Variants in SHANK2 observed in about 807,000 individuals in gnomAD.
SHANK2 encodes the protein SH3 and multiple ankyrin repeat domains protein 2.
In SHANK2, 43 loss-of-function variants were observed where a neutral mutation model predicts 133.7. That is an observed-to-expected ratio of 0.32 (90% CI 0.25 to 0.41). The LOEUF (loss-of-function observed/expected upper bound fraction) is 0.41, where lower values mean the gene tolerates loss of function less well. Among genes scored for constraint, SHANK2 ranks in the 10% least tolerant of loss-of-function variants. The pLI, the probability that SHANK2 is intolerant of heterozygous loss-of-function variation, is 1.00. For missense variants in SHANK2, 1,994 were observed against 2,235.8 expected (o/e 0.89, Z 2.18); for synonymous variants, 1,017 against 952.8 (o/e 1.07, Z -1.24).
At chr11:70,733,007 G>A (rs982111366) in intron 14 of SHANK2, among the ~76,000 whole-genome samples, 2 of 152,254 alleles carry the variant, frequency 1.3e-5, no homozygotes, top group East Asian at 1.9e-4. Context: ...AGATGCTGCC[G>A]ATGGAGTGAT....
intron 14 of SHANK2, among the ~76,000 whole-genome samples, chr11:70,785,235 G>T (rs183182637): frequency 2.0e-5 from 3 of 152,100 alleles, no homozygotes; most frequent in Non-Finnish European, 4.4e-5. Context: ...GGGCGCCTGG[G>T]CCCCCTCCTA....
Position 70,633,502 on chromosome 11 carries a change from T to G in SHANK2, c.2061+26326A>C, listed in dbSNP as rs569368669. On this transcript the variant is annotated intron_variant, in intron 17 of 25. Transcript: ENST00000601538. Reference sequence around the variant, plus strand: ...GACTTGACAATGAAAAAGAAAGAATTAAGCATTTATCTTGCCTTCTTGTAC... The same window carrying G: ...GACTTGACAATGAAAAAGAAAGAATGAAGCATTTATCTTGCCTTCTTGTAC... 2.0e-5 allele frequency: 3 copies of G among 152,274 alleles called. No homozygotes were observed. In the East Asian group the frequency reaches 5.8e-4, roughly 29 times the overall value. 9.4% of individuals were successfully genotyped at this position (152,274 alleles called of 1,614,324 possible). A position where few individuals can be genotyped will look rare whatever the true frequency, so the allele number is the denominator to read the frequency against.
At chr11:70,917,885 C>G (rs193280523) in intron 10 of SHANK2, among the ~76,000 whole-genome samples, 2 of 151,966 alleles carry the variant, frequency 1.3e-5, no homozygotes, top group Non-Finnish European at 2.9e-5. Flanking sequence ...GGGAGAGGAT[C>G]GAGAAGAACA....
intron 3 of SHANK2, among the ~76,000 whole-genome samples, chr11:71,132,561 G>A (rs557432630): frequency 5.9e-5 from 9 of 152,288 alleles, no homozygotes; most frequent in Non-Finnish European, 7.3e-5. Context: ...AAGTCAAGAC[G>A]TTTTATGTGC....
intron 14 of SHANK2, among the ~76,000 whole-genome samples, chr11:70,716,981 G>A (rs949933202): frequency 2.6e-5 from 4 of 151,544 alleles, no homozygotes; most frequent in African/African-American, 9.7e-5. Flanking sequence ...CAGTTGGTGA[G>A]AAGCTACTGG....
Position 71,063,826 on chromosome 11 carries a change from T to C in SHANK2, c.1030-7268A>G, listed in dbSNP as rs957476470. Among the ~76,000 whole-genome samples, 461 of 152,292 alleles carry C rather than the reference T, an allele frequency of 3.0e-3. 2 individuals are homozygous for C. The highest frequency in any genetic ancestry group is 3.6e-3 in the Non-Finnish European group (246 of 68,010). ...CTGCCACTTTTTCTCTTGGCATGAATTTTCCGAGACACTTCCCTTAATAAA... is the reference window on the plus strand; with the variant it reads ...CTGCCACTTTTTCTCTTGGCATGAACTTTCCGAGACACTTCCCTTAATAAA... On this transcript the variant is annotated intron_variant, in intron 9 of 25. Transcript: ENST00000601538.
At chr11:71,164,274 C>T (rs1375981328) in intron 2 of SHANK2, among the ~76,000 whole-genome samples, 1 of 152,210 alleles carries the variant, frequency 6.6e-6, no homozygotes, top group South Asian at 2.1e-4. Context: ...GGGGGATTAA[C>T]TGGCCTTTGA....
At chr11:70,589,021 G>A (rs11828693) in intron 17 of SHANK2, among the ~76,000 whole-genome samples, 3,881 of 152,292 alleles carry the variant, frequency 0.025, 178 homozygotes, top group African/African-American at 0.09. Flanking sequence ...GTTTCACTGT[G>A]TTAGCCAGGA....
At chr11:71,187,826 C>A (rs1215311894) in intron 2 of SHANK2, among the ~76,000 whole-genome samples, 2 of 152,200 alleles carry the variant, frequency 1.3e-5, no homozygotes, top group East Asian at 1.9e-4. Flanking sequence ...GAGCAAAGGG[C>A]AAGTGTGCAG....
At chr11:71,215,217 C>T (rs534730327) in intron 2 of SHANK2, among the ~76,000 whole-genome samples, 1 of 152,344 alleles carries the variant, frequency 6.6e-6, no homozygotes, top group East Asian at 1.9e-4. Flanking sequence ...CCTGGAGCCG[C>T]AGCAGGGCCC....
chr11:70,546,750 G>A (rs1554976497), intron 17 of SHANK2, among the ~76,000 whole-genome samples: 3 of 152,198 alleles, frequency 2.0e-5, no homozygotes. Flanking sequence ...GGGAACAAGG[G>A]GGAACAATGC....
intron 14 of SHANK2, among the ~76,000 whole-genome samples, chr11:70,701,847 C>A (rs553154363): frequency 2.6e-5 from 4 of 152,096 alleles, no homozygotes; most frequent in Non-Finnish European, 4.4e-5. Flanking sequence ...GAAAGGGACC[C>A]TAAGGGACAA....
chr11:71,104,889 T>C (rs893209183), intron 6 of SHANK2, among the ~76,000 whole-genome samples: 1 of 152,246 alleles, frequency 6.6e-6, no homozygotes, highest in Non-Finnish European at 1.5e-5. Flanking sequence ...GGGTCTGCAC[T>C]TGGCCTTCGG....
intron 14 of SHANK2, among the ~76,000 whole-genome samples, chr11:70,701,574 T>C (rs1274138031): frequency 6.7e-6 from 1 of 149,718 alleles, no homozygotes; most frequent in Non-Finnish European, 1.5e-5. Context: ...CTAATTTTTA[T>C]ATTTTTTTTT....
chr11:70,832,698 G>A (rs1456425236), intron 11 of SHANK2, among the ~76,000 whole-genome samples: 1 of 152,160 alleles, frequency 6.6e-6, no homozygotes, highest in East Asian at 1.9e-4. Flanking sequence ...CACCTTCCTT[G>A]TCCAACTCCC....
intron 17 of SHANK2, among the ~76,000 whole-genome samples, chr11:70,592,188 C>T (rs1000319333): frequency 6.6e-6 from 1 of 152,146 alleles, no homozygotes; most frequent in African/African-American, 2.4e-5. Context: ...TGCTGACCGC[C>T]GGCCTCCTCA....
intron 10 of SHANK2, among the ~76,000 whole-genome samples, chr11:70,952,432 T>G (rs1403844241): frequency 6.6e-6 from 1 of 152,200 alleles, no homozygotes; most frequent in African/African-American, 2.4e-5. Flanking sequence ...CCCAGCTGCA[T>G]TTGCTCCCTC....
rs548272264 is a variant in SHANK2 at position 70,582,283 on chromosome 11, C to T, written c.2061+77545G>A. Among the ~76,000 whole-genome samples, 11 of 152,362 alleles carry T rather than the reference C, an allele frequency of 7.2e-5. No homozygotes were observed. In the South Asian group the frequency reaches 1.2e-3, roughly 17 times the overall value. ...GACCACCTAACTGTCCCCACACATCCGGGGCCTCCAAGCCGCTAACTCTAC... is the reference window on the plus strand; with the variant it reads ...GACCACCTAACTGTCCCCACACATCTGGGGCCTCCAAGCCGCTAACTCTAC... On this transcript the variant is annotated intron_variant, in intron 17 of 25. Transcript: ENST00000601538.
chr11:70,511,101 T>C (rs1318476280), intron 17 of SHANK2, among the ~76,000 whole-genome samples: 2 of 151,804 alleles, frequency 1.3e-5, no homozygotes, highest in African/African-American at 4.8e-5. Context: ...GGTGAGCACT[T>C]TGACAACAAG....
Sources: allele counts gnomAD v4.1 joint callset (sites outside exome capture counted in the v4.1 genomes callset), GRCh38; gene constraint gnomAD v4.1.1; transcripts MANE v1.5; gene names NCBI Gene and HGNC (gene_info 2026-07-23, HGNC 2026-07-21).